Variants in PVALB observed in about 807,000 individuals in gnomAD.
PVALB encodes the protein parvalbumin alpha.
PVALB carries 11 observed loss-of-function variants against 10.9 expected under a neutral mutation model. The observed-to-expected ratio is 1.01, with a 90% CI of 0.63 to 1.67. PVALB has a LOEUF of 1.67. Ranked by LOEUF, PVALB falls within the 40% of genes most tolerant of loss-of-function variation. The pLI is 0.00. For missense variants in PVALB, 131 were observed against 136.2 expected (o/e 0.96, Z 0.19); for synonymous variants, 57 against 50.7 (o/e 1.12, Z -0.53).
intron 3 of PVALB, among the ~76,000 whole-genome samples, chr22:36,801,904 C>G (rs1938871236): frequency 6.6e-6 from 1 of 152,192 alleles, no homozygotes; most frequent in South Asian, 2.1e-4. Context: ...TAGTCTGGCC[C>G]TATTTGCTGG....
chr22:36,818,140 C>T (rs1390695852), upstream of PVALB, among the ~76,000 whole-genome samples: 2 of 152,128 alleles, frequency 1.3e-5, no homozygotes, highest in African/African-American at 4.8e-5. Context: ...AGATCCTGGG[C>T]TGCACTAAGT....
At chr22:36,817,901 A>G (rs564458599), upstream of PVALB, among the ~76,000 whole-genome samples, 22 of 152,130 alleles carry the variant, frequency 1.4e-4, 1 homozygote, top group South Asian at 4.2e-3. Context: ...CCTCCCAGAA[A>G]GCCCCATATG....
chr22:36,806,615 C>T lies in PVALB; in HGVS notation c.305-5697G>A, dbSNP rs375338942. 1.5e-3 allele frequency among the ~76,000 whole-genome samples: 226 copies of T among 152,164 alleles called. 2 individuals are homozygous for T. Among genetic ancestry groups the T allele is most frequent in the African/African-American group, 5.0e-3 (206 of 41,506 alleles). ...CTCACCTCTAAATAGCTCCCGGGCTCGGTTTCTTATAAATTGGTATCTCAA... is the reference window on the plus strand; with the variant it reads ...CTCACCTCTAAATAGCTCCCGGGCTTGGTTTCTTATAAATTGGTATCTCAA... On this transcript the variant is annotated intron_variant, in intron 3 of 3. Coordinates refer to ENST00000417718, the MANE Select transcript of PVALB (RefSeq NM_001315532.2).
intron 2 of PVALB, among the ~76,000 whole-genome samples, chr22:36,814,283 G>A (rs1422375431): frequency 6.6e-6 from 1 of 151,030 alleles, no homozygotes; most frequent in Non-Finnish European, 1.5e-5. Context: ...GTGTGTGTGT[G>A]TGTGTGTGTG....
chr22:36,807,611 T>C (rs920643362), intron 3 of PVALB, among the ~76,000 whole-genome samples: 21 of 152,230 alleles, frequency 1.4e-4, no homozygotes, highest in African/African-American at 5.1e-4. Context: ...GAATCATTTC[T>C]AGAACATTCT....
chr22:36,802,117 T>C (rs1306885086), intron 3 of PVALB, among the ~76,000 whole-genome samples: 3 of 152,288 alleles, frequency 2.0e-5, no homozygotes, highest in East Asian at 3.9e-4. Flanking sequence ...ACCCCACCTA[T>C]CCAGTTTCTT....
At chr22:36,806,175 CA>C (rs373418041) in intron 3 of PVALB, among the ~76,000 whole-genome samples, 142 of 152,298 alleles carry the variant, frequency 9.3e-4, no homozygotes, top group African/African-American at 3.2e-3. Flanking sequence ...TGGAGGTATC[CA>C]GAATGGTCAT....
intron 3 of PVALB, among the ~76,000 whole-genome samples, chr22:36,807,347 C>T (rs113194099): frequency 0.012 from 1,794 of 152,306 alleles, 31 homozygotes; most frequent in African/African-American, 0.04. Flanking sequence ...GACAAAGCAT[C>T]GTGCACCTTA....
At chr22:36,819,247 G>C (rs1478388273), upstream of PVALB, among the ~76,000 whole-genome samples, 2 of 152,160 alleles carry the variant, frequency 1.3e-5, no homozygotes, top group African/African-American at 4.8e-5. Flanking sequence ...GCCACACCAG[G>C]AGTCTGGGTG....
intron 2 of PVALB, among the ~76,000 whole-genome samples, chr22:36,814,304 T>A (rs2213428): frequency 2.9e-4 from 44 of 149,848 alleles, no homozygotes; most frequent in South Asian, 1.5e-3. Flanking sequence ...TGTGTGTGTG[T>A]GCATAAGTGT....
chr22:36,803,332 T>C (rs1270895911), intron 3 of PVALB, among the ~76,000 whole-genome samples: 3 of 152,244 alleles, frequency 2.0e-5, no homozygotes, highest in Non-Finnish European at 4.4e-5. Flanking sequence ...ATTTACTTCA[T>C]AGTCCTTGGC....
Position 36,813,687 on chromosome 22 carries a change from G to A in PVALB, c.263C>T (p.Ala88Val). 1 of 1,614,182 alleles carries A rather than the reference G, an allele frequency of 6.2e-7. No individual in the cohort carries two copies. The highest frequency in any genetic ancestry group is 1.1e-5 in the South Asian group (1 of 91,076). ...GCCGTCCCCATCTTTGTCTCCAGCA[G>A]CCATCAGCATCTTGGTTTCTTTAGC... Reference protein sequence around the residue: ...LSAKETKMLMAAGDKDGDGKI... With the variant: ...LSAKETKMLMVAGDKDGDGKI... The change falls in exon 3 of 4, where the codon GCT (alanine) becomes GTT (valine). Residue 88 changes from alanine to valine, a missense_variant. Ala to Val is a moderately conservative substitution (Grantham distance 64). Transcript: ENST00000417718.
intron 3 of PVALB, among the ~76,000 whole-genome samples, chr22:36,802,991 G>A (rs1938892966): frequency 6.6e-6 from 1 of 152,128 alleles, no homozygotes; most frequent in Non-Finnish European, 1.5e-5. Flanking sequence ...TGGGGCAGGT[G>A]GTTATTTTGA....
chr22:36,813,802 C>T (rs1569093742), intron 2 of PVALB, 47 bp from the exon 3 acceptor site: 15 of 1,447,884 alleles, frequency 1.0e-5, no homozygotes, highest in Non-Finnish European at 1.4e-5. Context: ...AGGCCGAGGT[C>T]GCCTTGCAGG....
intron 3 of PVALB, among the ~76,000 whole-genome samples, chr22:36,801,822 G>T (rs1175739329): frequency 6.6e-6 from 1 of 152,064 alleles, no homozygotes; most frequent in Non-Finnish European, 1.5e-5. Context: ...AAAAAGAAAA[G>T]AAAAAAGAAA....
At chr22:36,816,614 G>C (rs922927245) in intron 1 of PVALB, among the ~76,000 whole-genome samples, 42 of 152,212 alleles carry the variant, frequency 2.8e-4, no homozygotes, top group African/African-American at 1.0e-3. Flanking sequence ...CAGAGAGCTC[G>C]TACAAGGACC....
intron 3 of PVALB, among the ~76,000 whole-genome samples, chr22:36,804,832 G>A (rs1938925772): frequency 6.6e-6 from 1 of 152,170 alleles, no homozygotes; most frequent in Non-Finnish European, 1.5e-5. Flanking sequence ...TACTCAGTAG[G>A]CTGAGGCAGG....
rs200610184 is a variant in PVALB, at chr22:36,813,647, G to T, written c.303C>A (p.Asp101Glu). 3 of 1,612,122 alleles carry T rather than the reference G, an allele frequency of 1.9e-6. No homozygotes were observed. The highest frequency in any genetic ancestry group is 2.5e-6 in the Non-Finnish European group (3 of 1,178,330). Reference sequence around the variant, plus strand: ...AGACCCCAGGTCACGGCTACCCACCGTCAACCCCAATTTTGCCGTCCCCAT... The same window carrying T: ...AGACCCCAGGTCACGGCTACCCACCTTCAACCCCAATTTTGCCGTCCCCAT... ...DKDGDGKIGV[D>E]EFSTLVAES Residue 101 changes from aspartate (D) to glutamate (E), a missense_variant and splice_region_variant, in exon 3 of 4, where the codon GAC (aspartate) becomes GAA (glutamate). Physicochemically the swap from Asp to Glu is conservative, Grantham distance 45 (BLOSUM62 2). Coordinates refer to ENST00000417718, the MANE Select transcript of PVALB (RefSeq NM_001315532.2).
intron 3 of PVALB, among the ~76,000 whole-genome samples, chr22:36,807,385 G>C (rs1479631317): frequency 6.6e-6 from 1 of 152,230 alleles, no homozygotes; most frequent in South Asian, 2.1e-4. Flanking sequence ...CCCTGGGCTA[G>C]CCTTGATCTG....
Sources: allele counts gnomAD v4.1 joint callset (sites outside exome capture counted in the v4.1 genomes callset), GRCh38; gene constraint gnomAD v4.1.1; transcripts MANE v1.5; gene names NCBI Gene and HGNC (gene_info 2026-07-23, HGNC 2026-07-21).